TTN: variants seen among roughly 807,000 people sequenced by gnomAD.
TTN encodes titin, also known as connectin.
TTN carries 1,525 observed loss-of-function variants against 3,223.0 expected under a neutral mutation model. The observed-to-expected ratio is 0.47, with a 90% confidence interval of 0.45 to 0.49. The LOEUF is 0.49. TTN is among the 20% of genes least tolerant of loss of function. The probability of loss-of-function intolerance (pLI) is 0.00; values close to 1 mark genes in which losing one functional copy is unlikely to be tolerated. For missense variants in TTN, 40,786 were observed against 43,424.0 expected (o/e 0.94, Z 5.40); for synonymous variants, 14,094 against 15,161.0 (o/e 0.93, Z 5.17).
rs548035065 is a variant in TTN at position 178,620,957 on chromosome 2, C to T, written c.45653G>A (p.Arg15218Gln). Residue 15218 changes from arginine to glutamine, a missense_variant, in exon 247 of 363, where the codon CGG becomes CAG. Physicochemically the swap from Arg to Gln is conservative, Grantham distance 43. Transcript: ENST00000589042. ...LRIVVPLKDT[R>Q]VKEQQEVVFN... ...GACAACTTCCTGTTGTTCCTTCACC[C>T]GGGTGTCCTTAAGAGGAACTACGAT... 12 of 1,612,222 alleles carry T rather than the reference C, an allele frequency of 7.4e-6. No individual in the cohort carries two copies. Among genetic ancestry groups the T allele is most frequent in the Middle Eastern group, 1.7e-4 (1 of 6,042 alleles).
Position 178,581,743 on chromosome 2 carries a change from TAG to T in TTN, c.66523_66524del (p.Leu22175IlefsTer8), listed in dbSNP as rs866120156. 1 of 1,608,550 alleles carries T rather than the reference TAG, an allele frequency of 6.2e-7. No homozygotes were observed. The highest frequency in any genetic ancestry group is 1.3e-5 in the African/African-American group (1 of 74,810). Reference sequence around the variant, plus strand: ...CGTCATAGGCTGGCTTGCCCCAAGATAGACTCACAGAGCTGCGAGTTGTATCA... The same window carrying T: ...CGTCATAGGCTGGCTTGCCCCAAGATACTCACAGAGCTGCGAGTTGTATCA... Reference protein sequence around the residue: ...VYDTTRSSVSLSWGKPAYDGG... With the variant: ...VYDTTRSSVSXSWGKPAYDGG... On this transcript the variant is annotated frameshift_variant, in exon 316 of 363. Transcript: ENST00000589042. LOFTEE classifies it high-confidence loss of function.
chr2:178,660,339 C>T (rs1203998247), intron 180 of TTN, among the ~76,000 whole-genome samples: 1 of 22,112 alleles, frequency 4.5e-5, no homozygotes, highest in Non-Finnish European at 9.7e-5. Context: ...AGATATAGAC[C>T]AATGGAACAG....
intron 47 of TTN, chr2:178,750,191 T>C (rs1419220265): frequency 1.2e-6 from 2 of 1,613,088 alleles, no homozygotes; most frequent in Non-Finnish European, 8.5e-7. Context: ...CATAGATGGA[T>C]GGGCGCCTTT....
At chr2:178,751,091 A>G in intron 47 of TTN, 1 of 1,612,908 alleles carries the variant, frequency 6.2e-7, no homozygotes, top group African/African-American at 1.3e-5. Context: ...TGGATTTTGC[A>G]CAATACTCTC....
In TTN at chr2:178,569,708, T is replaced by A. The variant is rs375737413; in HGVS notation, c.76424A>T (p.His25475Leu). ...NIEVEKLLEK[H>L]EYNFRICAIN... ...AGCACAGATACGGAAGTTGTATTCATGCTTTTCCAACAGCTTCTCTACTTC... is the reference window on the plus strand; with the variant it reads ...AGCACAGATACGGAAGTTGTATTCAAGCTTTTCCAACAGCTTCTCTACTTC... Residue 25475 changes from histidine (H) to leucine (L), a missense_variant, in exon 326 of 363, where the codon CAT becomes CTT. Coordinates refer to ENST00000589042, the MANE Select transcript of TTN (RefSeq NM_001267550.2). 1 of 1,613,126 alleles carries A rather than the reference T, an allele frequency of 6.2e-7. No individual in the cohort carries two copies. Among genetic ancestry groups the A allele is most frequent in the African/African-American group, 1.3e-5 (1 of 75,020 alleles).
In TTN at chr2:178,552,879, A is replaced by G; in HGVS notation, c.90021T>C (p.Val30007=). ...LSEKTPFFFR[V]LAENEIGIGE... is the part of the protein sequence containing the mutation. The stretch of plus-strand genomic sequence containing the variant: ...CAATTCCAATTTCATTTTCTGCAAG[A>G]ACTCTGAAGAAGAATGGAGTCTTCT... The change falls in exon 335 of 363, where the codon GTT becomes GTC. Residue 30007 remains valine, a synonymous_variant. Transcript: ENST00000589042. 6.2e-7 allele frequency: 1 copy of G among 1,613,784 alleles called. No individual in the cohort carries two copies. Among genetic ancestry groups the G allele is most frequent in the Non-Finnish European group, 8.5e-7 (1 of 1,179,818 alleles).
At position 178,564,976 on chromosome 2, in the gene TTN, C is replaced by A; in HGVS notation, c.81156G>T (p.Arg27052Ser). The change falls in exon 326 of 363, where the codon AGG becomes AGT. Residue 27052 changes from arginine (R) to serine (S), a missense_variant. By Grantham distance (110) the Arg-to-Ser change is moderately radical. Coordinates refer to ENST00000589042, the MANE Select transcript of TTN (RefSeq NM_001267550.2). ...AATCCAGTGGGGCACTTTTTCCATA[C>A]CTGTTTTCAGCAAAAATTCTAAACT... ...EYQFRIFAENRYGKSAPLDSK... is the reference protein window; with the variant it reads ...EYQFRIFAENSYGKSAPLDSK... 1 of 1,611,772 alleles carries A rather than the reference C, an allele frequency of 6.2e-7. No individual in the cohort carries two copies. Among genetic ancestry groups the A allele is most frequent in the Non-Finnish European group, 8.5e-7 (1 of 1,178,958 alleles).
Position 178,614,284 on chromosome 2 carries a change from TGTTAGAAGACATGACTCATTG to T in TTN, c.49092_49112del (p.Asn16365_Thr16371del). ...CACCATCATCGCGTGGTGGGTTCCA[TGTTAGAAGACATGACTCATTG>T]GTTACATCTGTGATGTCAAAGGCAG... On this transcript the variant is annotated inframe_deletion, in exon 262 of 363. Transcript: ENST00000589042. 6.2e-7 allele frequency: 1 copy of T among 1,612,760 alleles called. No individual in the cohort carries two copies. Among genetic ancestry groups the T allele is most frequent in the East Asian group, 2.2e-5 (1 of 44,640 alleles).
chr2:178,560,694 C>T lies in TTN; in HGVS notation c.85438G>A (p.Gly28480Ser). Reference protein sequence around the residue: ...LSWGRPQEDGGADIDYYIVEK... With the variant: ...LSWGRPQEDGSADIDYYIVEK... Reference sequence around the variant, plus strand: ...ACGATGTAATAGTCGATATCTGCACCACCATCTTCTTGGGGACGTCCCCAG... The same window carrying T: ...ACGATGTAATAGTCGATATCTGCACTACCATCTTCTTGGGGACGTCCCCAG... Residue 28480 changes from glycine to serine, a missense_variant, in exon 326 of 363, where the codon GGT becomes AGT. By Grantham distance (56) the Gly-to-Ser change is moderately conservative. Transcript: ENST00000589042. The T allele has an allele frequency of 6.2e-7, 1 of 1,613,638 alleles. No individual in the cohort carries two copies. Among genetic ancestry groups the T allele is most frequent in the Non-Finnish European group, 8.5e-7 (1 of 1,179,794 alleles).
At chr2:178,671,460 T>C (rs1202850073) in intron 155 of TTN, among the ~76,000 whole-genome samples, 3 of 151,808 alleles carry the variant, frequency 2.0e-5, no homozygotes, top group Non-Finnish European at 4.4e-5. Flanking sequence ...ATGGCTTGTC[T>C]TCACAGTATG....
intron 47 of TTN, chr2:178,749,467 GCTTTGAAAATAGTCCCTT>G: frequency 1.2e-6 from 2 of 1,612,854 alleles, no homozygotes; most frequent in Non-Finnish European, 1.7e-6. Context: ...TAGTCTCAAG[GCTTTGAAAATAGTCCCTT>G]ACTGAATATT....
rs1231200844 is a variant in TTN, at chr2:178,706,364, A to G, written c.29420+90T>C. 4 of 1,397,324 alleles carry G rather than the reference A, an allele frequency of 2.9e-6. No homozygotes were observed. In the East Asian group the frequency reaches 7.5e-5, roughly 26 times the overall value. The allele number at this position is 1,397,324 out of a possible 1,614,324, so 86.6% of individuals were successfully genotyped here. On this transcript the variant is annotated intron_variant, in intron 102 of 362. Transcript: ENST00000589042. Reference sequence around the variant, plus strand: ...GTATTTTTAAATTTTTTGTTCTTTAATACTTTCCACTGGGGCTGGTTGACT... The same window carrying G: ...GTATTTTTAAATTTTTTGTTCTTTAGTACTTTCCACTGGGGCTGGTTGACT...
Position 178,535,174 on chromosome 2 carries a change from T to A in TTN, c.101441A>T (p.Glu33814Val). The change falls in exon 358 of 363, where the codon GAA (glutamate) becomes GTA (valine). Residue 33814 changes from glutamate (E) to valine (V), a missense_variant. Glu to Val is a moderately radical substitution (Grantham distance 121, BLOSUM62 -2). Transcript: ENST00000589042. ...AGCAATCATATATTTCTCATAGAGT[T>A]CCTTGGTTGAAGAGTGAGATGCTTT... ...MTKASHSSTK[E>V]LYEKYMIAED... is the part of the protein sequence containing the mutation. The A allele has an allele frequency of 6.2e-7, 1 of 1,613,912 alleles. No individual in the cohort carries two copies. The highest frequency in any genetic ancestry group is 8.5e-7 in the Non-Finnish European group (1 of 1,179,852).
Position 178,527,191 on chromosome 2 carries a change from C to G in TTN, c.107797G>C (p.Gly35933Arg), listed in dbSNP as rs1575170417. ...EPTPEVTWSC[G>R]GRKIHSQEQG... ...TCTTGACTGTGGATTTTTCTTCCAC[C>G]ACAGGACCATGTTACTTCTGGGGTA... The change falls in exon 363 of 363, where the codon GGT (glycine) becomes CGT (arginine). Residue 35933 changes from glycine (G) to arginine (R), a missense_variant. By Grantham distance (125) the Gly-to-Arg change is moderately radical (BLOSUM62 -2). Coordinates refer to ENST00000589042, the MANE Select transcript of TTN (RefSeq NM_001267550.2). The G allele has an allele frequency of 6.2e-7, 1 of 1,613,852 alleles. No individual in the cohort carries two copies. Among genetic ancestry groups the G allele is most frequent in the Non-Finnish European group, 8.5e-7 (1 of 1,179,844 alleles).
In TTN at chr2:178,553,112, C is replaced by T. The variant is rs546141047; in HGVS notation, c.89788G>A (p.Val29930Met). 1.2e-6 allele frequency: 2 copies of T among 1,611,922 alleles called. No homozygotes were observed. Among genetic ancestry groups the T allele is most frequent in the Admixed American group, 3.3e-5 (2 of 59,946 alleles). Residue 29930 changes from valine to methionine, a missense_variant, in exon 335 of 363, where the codon GTG (valine) becomes ATG (methionine). Physicochemically the swap from Val to Met is conservative, Grantham distance 21. Transcript: ENST00000589042. ...EPKSSTVSVKVLDTPAACQKL... is the reference protein window; with the variant it reads ...EPKSSTVSVKMLDTPAACQKL... The stretch of plus-strand genomic sequence containing the variant: ...TGGCAGGCAGCTGGTGTGTCAAGCA[C>T]TTTAACACTCACAGTTGAAGACTTA...
rs1385591866 is a variant in TTN at position 178,766,468 on chromosome 2, A to G, written c.9616T>C (p.Phe3206Leu). Residue 3206 changes from phenylalanine (F) to leucine (L), a missense_variant, in exon 41 of 363, where the codon TTT (phenylalanine) becomes CTT (leucine). Coordinates refer to ENST00000589042, the MANE Select transcript of TTN (RefSeq NM_001267550.2). ...TCGCTCTGTCTGGTCTCAGAGATAA[A>G]CATTCGGTGGATTCTTCTTTCCACT... is the stretch of plus-strand genomic sequence containing the variant. Reference protein sequence around the residue: ...YVVERRIHRMFISETRQSDAG... With the variant: ...YVVERRIHRMLISETRQSDAG... 1.2e-6 allele frequency: 2 copies of G among 1,614,122 alleles called. No individual in the cohort carries two copies. Among genetic ancestry groups the G allele is most frequent in the South Asian group, 2.2e-5 (2 of 91,076 alleles).
rs1413883213 is a variant in TTN, at chr2:178,634,187, T to G, written c.42416-104A>C. The G allele has an allele frequency of 1.3e-6, 2 of 1,508,488 alleles. No homozygotes were observed. The highest frequency in any genetic ancestry group is 1.8e-6 in the Non-Finnish European group (2 of 1,131,162). 93.4% of individuals were successfully genotyped at this position (1,508,488 alleles called of 1,614,324 possible). A position where few individuals can be genotyped will look rare whatever the true frequency, so the allele number is the denominator to read the frequency against. On this transcript the variant is annotated intron_variant, in intron 230 of 362. Transcript: ENST00000589042. The surrounding 1 kb of genome is among the most constrained non-coding windows in gnomAD (Gnocchi z 4.6). Reference sequence around the variant, plus strand: ...AGGGACCCATTTCACATGGCACTTATTTATTCATCTTTCCAAATAGAGCTC... The same window carrying G: ...AGGGACCCATTTCACATGGCACTTAGTTATTCATCTTTCCAAATAGAGCTC...
At position 178,739,899 on chromosome 2, in the gene TTN, A is replaced by G. The variant is rs1574072216; in HGVS notation, c.13334T>C (p.Val4445Ala). 1 of 1,613,908 alleles carries G rather than the reference A, an allele frequency of 6.2e-7. No individual in the cohort carries two copies. Among genetic ancestry groups the G allele is most frequent in the South Asian group, 1.1e-5 (1 of 91,078 alleles). Residue 4445 changes from valine to alanine, a missense_variant, in exon 48 of 363, where the codon GTT (valine) becomes GCT (alanine). Physicochemically the swap from Val to Ala is moderately conservative, Grantham distance 64. Transcript: ENST00000589042. The stretch of plus-strand genomic sequence containing the variant: ...TTCTGTTACAGACTTTGCCGAAGTA[A>G]CAAGGTACATGCACATGATGTGTCT... ...EPRHIMCMYL[V>A]TSAKSVTEEV...
rs1195577754 is a variant in TTN, at chr2:178,702,261, A to G, written c.30434-16T>C. The G allele has an allele frequency of 6.2e-7, 1 of 1,613,812 alleles. No individual in the cohort carries two copies. The highest frequency in any genetic ancestry group is 2.2e-5 in the East Asian group (1 of 44,894). On this transcript the variant is annotated splice_polypyrimidine_tract_variant and intron_variant, in intron 107 of 362. Coordinates refer to ENST00000589042, the MANE Select transcript of TTN (RefSeq NM_001267550.2). ...GAGTAGACACCTAGGGTGAAAAATC[A>G]TCCAACTTTTGTTTTCTGATATGTT...
Sources: allele counts gnomAD v4.1 joint callset (sites outside exome capture counted in the v4.1 genomes callset), GRCh38; gene constraint gnomAD v4.1.1; non-coding constraint Gnocchi (gnomAD v3.1); transcripts MANE v1.5; gene names NCBI Gene and HGNC (gene_info 2026-07-23, HGNC 2026-07-21).